The following HYDIN variants were observed in gnomAD, a reference collection of about 807,000 sequenced individuals.
HYDIN encodes the protein HYDIN axonemal central pair apparatus protein, also known as axonemal central pair apparatus protein HYDIN.
Under a neutral mutation model 403.9 loss-of-function variants are expected in HYDIN, and 132 were observed. The ratio of observed to expected loss-of-function variants is 0.33; its 90% CI spans 0.28 to 0.38. The LOEUF (loss-of-function observed/expected upper bound fraction) is 0.38. Among genes scored for constraint, HYDIN ranks in the 10% least tolerant of loss-of-function variants. HYDIN has a pLI of 1.00. For synonymous variants in HYDIN, 1,202 were observed against 1,891.7 expected (o/e 0.64, Z 9.46); for missense variants, 2,827 against 5,009.5 (o/e 0.56, Z 13.15).
chr16:70,972,799 C>A (rs901893096), intron 35 of HYDIN, among the ~76,000 whole-genome samples: 1 of 152,206 alleles, frequency 6.6e-6, no homozygotes, highest in Non-Finnish European at 1.5e-5. Flanking sequence ...GGGTCTGGGG[C>A]AGGTCCCCTG....
intron 21 of HYDIN, among the ~76,000 whole-genome samples, chr16:71,022,893 GC>G (rs1316594219): frequency 3.3e-5 from 5 of 151,368 alleles, no homozygotes; most frequent in African/African-American, 1.2e-4. Context: ...ATAAAAACAT[GC>G]CCCCCCAAAA....
At chr16:70,895,694 GAAAACT>G (rs2076181414) in intron 54 of HYDIN, among the ~76,000 whole-genome samples, 1 of 151,228 alleles carries the variant, frequency 6.6e-6, no homozygotes, top group African/African-American at 2.4e-5. Context: ...GGCAGTGATA[GAAAACT>G]AATACAGGAA....
In HYDIN at chr16:70,804,893, A is replaced by C. The variant is rs1401082275; in HGVS notation, c.*2687T>G. Among the ~76,000 whole-genome samples the C allele has an allele frequency of 6.6e-6, 1 of 152,190 alleles. No homozygotes were observed. Among genetic ancestry groups the C allele is most frequent in the Non-Finnish European group, 1.5e-5 (1 of 68,020 alleles). ...TGGGGAAGCACTGGAACAGGTCTGA[A>C]GTTGGGGGAGTTGCCCCTAGCCACC... On this transcript the variant is annotated 3_prime_UTR_variant, in exon 86 of 86. Transcript: ENST00000393567.
Position 71,152,973 on chromosome 16 carries a change from T to C in HYDIN, c.717-190A>G, listed in dbSNP as rs1216826088. ...TAGTTTTAATGTTAAAATGACAGCA[T>C]TAGATTAGCAAGCGTAAGGGCAACT... On this transcript the variant is annotated intron_variant, in intron 6 of 85. Coordinates refer to ENST00000393567, the MANE Select transcript of HYDIN (RefSeq NM_001270974.2). 5 of 515,158 alleles carry C rather than the reference T, an allele frequency of 9.7e-6. No individual in the cohort carries two copies. The East Asian group carries it at 1.0e-4, about 11-fold the overall frequency. The allele number at this position is 515,158 out of a possible 1,614,324, so 31.9% of individuals were successfully genotyped here.
At chr16:71,042,450 C>T (rs1209121002) in intron 18 of HYDIN, among the ~76,000 whole-genome samples, 4 of 152,042 alleles carry the variant, frequency 2.6e-5, no homozygotes, top group South Asian at 4.1e-4. Context: ...TTCTTGCCCA[C>T]TCTCCATGTC....
In HYDIN at chr16:70,850,552, T is replaced by C; in HGVS notation, c.12547A>G (p.Lys4183Glu). 1 of 1,612,802 alleles carries C rather than the reference T, an allele frequency of 6.2e-7. No individual in the cohort carries two copies. The highest frequency in any genetic ancestry group is 8.5e-7 in the Non-Finnish European group (1 of 1,179,518). Residue 4183 changes from lysine (K) to glutamate (E), a missense_variant, in exon 74 of 86, where the codon AAG becomes GAG. Transcript: ENST00000393567. Reference sequence around the variant, plus strand: ...ACATTCATAGTGTAGCCCTCGGCCTTGACATTTAATGTCACAGGGTGGACT... The same window carrying C: ...ACATTCATAGTGTAGCCCTCGGCCTCGACATTTAATGTCACAGGGTGGACT... Reference protein sequence around the residue: ...KKVHPVTLNVKAEGYTMNVEI... With the variant: ...KKVHPVTLNVEAEGYTMNVEI...
intron 10 of HYDIN, among the ~76,000 whole-genome samples, chr16:71,115,416 G>C (rs111844844): frequency 1.3e-5 from 2 of 152,072 alleles, no homozygotes; most frequent in African/African-American, 4.8e-5. Context: ...ACCCAATCTC[G>C]GGCAGTTATT....
intron 41 of HYDIN, among the ~76,000 whole-genome samples, chr16:70,949,738 A>C (rs896584051): frequency 1.3e-5 from 2 of 152,188 alleles, no homozygotes; most frequent in Admixed American, 6.5e-5. Flanking sequence ...GTCTTGTCAC[A>C]CTGGGGCAGT....
chr16:71,030,427 TTTTC>T (rs560320439), intron 19 of HYDIN, among the ~76,000 whole-genome samples: 5,219 of 150,820 alleles, frequency 0.035, 122 homozygotes, highest in Non-Finnish European at 0.052. Flanking sequence ...GTTGTTCTTC[TTTTC>T]TTTCTTTTTT....
At chr16:71,205,907 G>C (rs578188949) in intron 1 of HYDIN, among the ~76,000 whole-genome samples, 1 of 152,288 alleles carries the variant, frequency 6.6e-6, no homozygotes, top group East Asian at 1.9e-4. Flanking sequence ...GCCTCCTGTT[G>C]TCCTGGAGAG....
intron 12 of HYDIN, among the ~76,000 whole-genome samples, chr16:71,083,815 T>C (rs2082855634): frequency 6.9e-6 from 1 of 145,224 alleles, no homozygotes; most frequent in South Asian, 2.3e-4. Context: ...CGATGCTGCA[T>C]ATGCTACCCG....
intron 23 of HYDIN, among the ~76,000 whole-genome samples, chr16:71,002,300 C>T (rs569688888): frequency 5.3e-5 from 8 of 152,320 alleles, no homozygotes; most frequent in East Asian, 3.9e-4. Context: ...AATCCCAGTA[C>T]TTTGGGAGCC....
intron 5 of HYDIN, among the ~76,000 whole-genome samples, chr16:71,169,967 A>AT (rs1050386698): frequency 1.3e-5 from 2 of 152,186 alleles, no homozygotes; most frequent in Non-Finnish European, 2.9e-5. Flanking sequence ...ACAAATAATT[A>AT]TTTTTTTAAA....
At chr16:71,193,245 C>A (rs980752383) in intron 1 of HYDIN, among the ~76,000 whole-genome samples, 3 of 152,176 alleles carry the variant, frequency 2.0e-5, no homozygotes, top group Non-Finnish European at 2.9e-5. Flanking sequence ...AGAGAATTTT[C>A]ACTAGGCCAA....
At chr16:70,968,982 C>T (rs960947373) in intron 36 of HYDIN, among the ~76,000 whole-genome samples, 6 of 151,236 alleles carry the variant, frequency 4.0e-5, no homozygotes, top group South Asian at 2.1e-4. Flanking sequence ...AATTTTAGAA[C>T]GTAAAAATAT....
Position 70,883,968 on chromosome 16 carries a change from G to A in HYDIN, c.9931C>T (p.His3311Tyr), listed in dbSNP as rs2143694920. Reference sequence around the variant, plus strand: ...AAAGTGTAAAGAATGCCGGCAGGGTGGACTGCAGGGTCTCGGCCGGAGATA... The same window carrying A: ...AAAGTGTAAAGAATGCCGGCAGGGTAGACTGCAGGGTCTCGGCCGGAGATA... ...IDISGRDPAV[H>Y]PAGILYTLLA... The change falls in exon 59 of 86, where the codon CAC (histidine) becomes TAC (tyrosine). Residue 3311 changes from histidine (H) to tyrosine (Y), a missense_variant. By Grantham distance (83) the His-to-Tyr change is moderately conservative (BLOSUM62 2). Transcript: ENST00000393567. 1.2e-6 allele frequency: 2 copies of A among 1,614,046 alleles called. No individual in the cohort carries two copies. The highest frequency in any genetic ancestry group is 1.7e-5 in the Admixed American group (1 of 60,020).
Position 71,230,571 on chromosome 16 carries a change from C to A in HYDIN, c.-33G>T, listed in dbSNP as rs1598088074. 8 of 1,535,424 alleles carry A rather than the reference C, an allele frequency of 5.2e-6. No individual in the cohort carries two copies. Among genetic ancestry groups the A allele is most frequent in the Non-Finnish European group, 7.0e-6 (8 of 1,146,488 alleles). On this transcript the variant is annotated 5_prime_UTR_variant, in exon 1 of 86. Transcript: ENST00000393567. ...TGCGAGGACCTCTGACCTTGGTGCACTCCGGGTCCCACGTTTATTCTACCT... is the reference window on the plus strand; with the variant it reads ...TGCGAGGACCTCTGACCTTGGTGCAATCCGGGTCCCACGTTTATTCTACCT...
At chr16:71,096,186 T>C (rs994440959) in intron 10 of HYDIN, among the ~76,000 whole-genome samples, 22 of 152,178 alleles carry the variant, frequency 1.4e-4, no homozygotes, top group Non-Finnish European at 2.8e-4. Flanking sequence ...GAAGATATTA[T>C]AGCTTTCCAC....
chr16:70,839,676 G>T (rs2037682442), intron 76 of HYDIN, among the ~76,000 whole-genome samples: 1 of 152,160 alleles, frequency 6.6e-6, no homozygotes, highest in Admixed American at 6.5e-5. Flanking sequence ...CGAGAGGCTG[G>T]ATTTGAATCA....
Sources: gnomAD v4.1 joint callset for allele counts (sites outside exome capture counted in the v4.1 genomes callset) on GRCh38, gnomAD v4.1.1 for gene constraint, MANE v1.5 for transcripts, NCBI Gene and HGNC (gene_info 2026-07-23, HGNC 2026-07-21) for gene names.